LNP1: variants seen among roughly 807,000 people sequenced by gnomAD.
LNP1 encodes leukemia NUP98 fusion partner 1.
A neutral mutation model predicts 14.5 loss-of-function variants in LNP1; 12 were observed. That is an observed-to-expected ratio of 0.83 (90% confidence interval 0.53 to 1.34). The LOEUF (loss-of-function observed/expected upper bound fraction) is 1.34, where lower values mean the gene tolerates loss of function less well. LNP1 is among the 40% of genes most tolerant of loss of function. LNP1 has a pLI of 0.00. For missense variants in LNP1, 198 were observed against 210.9 expected, an observed-to-expected ratio of 0.94 and a Z score of 0.38; for synonymous variants, 75 against 71.4, an observed-to-expected ratio of 1.05 and a Z score of -0.26.
intron 3 of LNP1, among the ~76,000 whole-genome samples, chr3:100,455,341 C>T (rs1015843256): frequency 2.0e-5 from 3 of 152,208 alleles, no homozygotes; most frequent in East Asian, 1.9e-4. Flanking sequence ...GTTCATTCTT[C>T]CCACAGTCCT....
chr3:100,449,594 A>G (rs867144660), intron 2 of LNP1, among the ~76,000 whole-genome samples: 8 of 152,360 alleles, frequency 5.3e-5, no homozygotes, highest in Middle Eastern at 3.4e-3. Flanking sequence ...CTGAGAAGAA[A>G]AAAACTTTTG....
chr3:100,411,441 G>T (rs542714758), intron 1 of LNP1, among the ~76,000 whole-genome samples: 1 of 152,214 alleles, frequency 6.6e-6, no homozygotes, highest in African/African-American at 2.4e-5. Context: ...GATGAATGAT[G>T]AATGTATTTT....
chr3:100,429,910 G>A (rs1559843459), intron 2 of LNP1, 25 bp downstream of exon 2: 1 of 1,603,538 alleles, frequency 6.2e-7, no homozygotes, highest in Non-Finnish European at 8.5e-7. Context: ...TGGAACCGGA[G>A]GGGAGAGCTG....
intron 1 of LNP1, among the ~76,000 whole-genome samples, chr3:100,422,094 T>C (rs1707148540): frequency 1.3e-5 from 2 of 152,156 alleles, no homozygotes; most frequent in South Asian, 4.1e-4. Context: ...TGCTGAGGCA[T>C]TACCTTTAGA....
chr3:100,420,793 A>G (rs1162440713), intron 1 of LNP1, among the ~76,000 whole-genome samples: 1 of 152,000 alleles, frequency 6.6e-6, no homozygotes, highest in Non-Finnish European at 1.5e-5. Context: ...AAAGTTTTTA[A>G]TTCAGTGATG....
intron 2 of LNP1, among the ~76,000 whole-genome samples, chr3:100,432,312 T>C (rs1288278252): frequency 6.6e-6 from 1 of 151,944 alleles, no homozygotes; most frequent in Non-Finnish European, 1.5e-5. Context: ...TCCTTGAATG[T>C]AGTTTCTAAT....
intron 1 of LNP1, among the ~76,000 whole-genome samples, chr3:100,428,546 A>G (rs1267373630): frequency 1.3e-5 from 2 of 151,886 alleles, no homozygotes; most frequent in South Asian, 2.1e-4. Context: ...AAAAAAAAAG[A>G]AAAAAAGAAA....
At chr3:100,428,842 A>G (rs1261661710) in intron 1 of LNP1, among the ~76,000 whole-genome samples, 97 of 152,244 alleles carry the variant, frequency 6.4e-4, no homozygotes, top group African/African-American at 4.8e-5. Flanking sequence ...CACTGACATC[A>G]TGTTGAATAA....
At chr3:100,425,302 T>G (rs1021343531) in intron 1 of LNP1, among the ~76,000 whole-genome samples, 1 of 152,226 alleles carries the variant, frequency 6.6e-6, no homozygotes, top group African/African-American at 2.4e-5. Context: ...GTTCTTTGTT[T>G]TAGAAGGACT....
At chr3:100,425,769 A>G (rs947837598) in intron 1 of LNP1, among the ~76,000 whole-genome samples, 2 of 152,236 alleles carry the variant, frequency 1.3e-5, no homozygotes, top group Non-Finnish European at 2.9e-5. Flanking sequence ...AGAATGGGCT[A>G]GGACAAAATC....
At chr3:100,444,302 G>A (rs1474103285) in intron 2 of LNP1, among the ~76,000 whole-genome samples, 1 of 152,034 alleles carries the variant, frequency 6.6e-6, no homozygotes, top group Non-Finnish European at 1.5e-5. Context: ...TTACTTATGT[G>A]GCACACAATA....
chr3:100,421,591 AGTT>A (rs1244669535), intron 1 of LNP1, among the ~76,000 whole-genome samples: 2 of 152,146 alleles, frequency 1.3e-5, no homozygotes, highest in African/African-American at 4.8e-5. Flanking sequence ...CCTGATCTCC[AGTT>A]GTTGTACTTT....
At chr3:100,406,982 T>G (rs547041833) in intron 1 of LNP1, among the ~76,000 whole-genome samples, 1 of 152,244 alleles carries the variant, frequency 6.6e-6, no homozygotes, top group African/African-American at 2.4e-5. Context: ...CCTCAATATT[T>G]TGTGCTTTCA....
chr3:100,432,029 T>TTAAGG, intron 2 of LNP1, among the ~76,000 whole-genome samples: 1 of 68,628 alleles, frequency 1.5e-5, no homozygotes. Context: ...TATATATATA[T>TTAAGG]ATATATATAT....
intron 3 of LNP1, among the ~76,000 whole-genome samples, chr3:100,452,745 C>T (rs1326354969): frequency 2.6e-5 from 4 of 151,978 alleles, no homozygotes; most frequent in African/African-American, 4.8e-5. Context: ...CTCATGGTGA[C>T]GTCATGGGAG....
chr3:100,455,647 A>G (rs1707502783), intron 3 of LNP1, 130 bp from the exon 4 acceptor site: 3 of 855,458 alleles, frequency 3.5e-6, no homozygotes, highest in Non-Finnish European at 5.7e-6. Flanking sequence ...ATGCTAATTT[A>G]TTTCTAGAAA....
chr3:100,419,467 A>G (rs755990956), intron 1 of LNP1, among the ~76,000 whole-genome samples: 5 of 152,110 alleles, frequency 3.3e-5, no homozygotes, highest in Non-Finnish European at 5.9e-5. Context: ...AACTTACTCA[A>G]ATTTCACTAG....
chr3:100,433,178 C>T (rs111834769), intron 2 of LNP1, among the ~76,000 whole-genome samples: 1 of 152,030 alleles, frequency 6.6e-6, no homozygotes, highest in South Asian at 2.1e-4. Context: ...TTAAGCCCTG[C>T]ATGCATTAGG....
intron 1 of LNP1, among the ~76,000 whole-genome samples, chr3:100,429,243 G>C (rs1299113655): frequency 1.3e-5 from 2 of 152,124 alleles, no homozygotes; most frequent in Admixed American, 1.3e-4. Flanking sequence ...GCAACAGCTG[G>C]CTACCTTGCA....
Sources: gnomAD v4.1 joint callset for allele counts (sites outside exome capture counted in the v4.1 genomes callset) on GRCh38, gnomAD v4.1.1 for gene constraint, MANE v1.5 for transcripts, NCBI Gene and HGNC (gene_info 2026-07-23, HGNC 2026-07-21) for gene names.